The following SPOCK1 variants were observed in gnomAD, a reference collection of about 807,000 sequenced individuals.
The protein encoded by SPOCK1 is SPARC (osteonectin), cwcv and kazal like domains proteoglycan 1, also known as testican-1.
Under a neutral mutation model 55.3 loss-of-function variants are expected in SPOCK1, and 23 were observed. That is an observed-to-expected ratio of 0.42 (90% confidence interval 0.30 to 0.59). The LOEUF (loss-of-function observed/expected upper bound fraction) is 0.59, where lower values mean the gene tolerates loss of function less well. Among genes scored for constraint, SPOCK1 ranks in the 20% least tolerant of loss-of-function variants. SPOCK1 has a pLI of 0.22. For synonymous variants in SPOCK1, 226 were observed against 221.0 expected, an observed-to-expected ratio of 1.02 and a Z score of -0.20; for missense variants, 499 against 552.5, an observed-to-expected ratio of 0.90 and a Z score of 0.97.
intron 3 of SPOCK1, among the ~76,000 whole-genome samples, chr5:137,165,844 C>T (rs4976415): frequency 0.4 from 60,369 of 151,656 alleles, 12,279 homozygotes; most frequent in East Asian, 0.61. Flanking sequence ...GAAGGCAGGC[C>T]ATTTGAAAAC....
chr5:137,328,133 A>C (rs1758110498), intron 2 of SPOCK1, among the ~76,000 whole-genome samples: 1 of 152,214 alleles, frequency 6.6e-6, no homozygotes, highest in South Asian at 2.1e-4. Context: ...GATTGGACTG[A>C]CCAATAAATC....
chr5:136,976,082 A>G lies in SPOCK1; in HGVS notation c.*2572T>C, dbSNP rs1750608696. 1 of 152,156 alleles carries G rather than the reference A, an allele frequency of 6.6e-6. No individual in the cohort carries two copies. Among genetic ancestry groups the G allele is most frequent in the Admixed American group, 6.5e-5 (1 of 15,270 alleles). 9.4% of individuals were successfully genotyped at this position (152,156 alleles called of 1,614,324 possible). ...GTACAAGTGGACTTTTTGGAGGACT[A>G]TTTCCAAGAAGAAGAAAGCAAACAT... is the stretch of plus-strand genomic sequence containing the variant. On this transcript the variant is annotated 3_prime_UTR_variant, in exon 11 of 11. Transcript: ENST00000394945.
At chr5:137,356,448 T>C (rs1054275524) in intron 2 of SPOCK1, among the ~76,000 whole-genome samples, 50 of 152,008 alleles carry the variant, frequency 3.3e-4, no homozygotes, top group African/African-American at 1.2e-3. Context: ...CTTTTGTTGC[T>C]GTTGTCATTT....
chr5:137,440,208 G>A (rs897658887), intron 2 of SPOCK1, among the ~76,000 whole-genome samples: 1 of 151,924 alleles, frequency 6.6e-6, no homozygotes, highest in Non-Finnish European at 1.5e-5. Context: ...AAAAAGGCCT[G>A]GAAAGTTACA....
intron 2 of SPOCK1, among the ~76,000 whole-genome samples, chr5:137,409,145 C>T (rs1752159679): frequency 6.6e-6 from 1 of 152,164 alleles, no homozygotes; most frequent in Non-Finnish European, 1.5e-5. Flanking sequence ...TGACTCCATC[C>T]AGGAAGCACA....
intron 6 of SPOCK1, among the ~76,000 whole-genome samples, chr5:137,042,683 G>T (rs1381112373): frequency 6.6e-6 from 1 of 152,090 alleles, no homozygotes; most frequent in African/African-American, 2.4e-5. Context: ...TTAAGTAAAT[G>T]GATAGTGGAT....
intron 3 of SPOCK1, among the ~76,000 whole-genome samples, chr5:137,161,868 T>C (rs1754564242): frequency 6.6e-6 from 1 of 152,180 alleles, no homozygotes; most frequent in African/African-American, 2.4e-5. Flanking sequence ...TTCCATTACG[T>C]AAGAATAAGA....
At chr5:136,980,798 C>T (rs1011951171) in intron 9 of SPOCK1, among the ~76,000 whole-genome samples, 12 of 152,148 alleles carry the variant, frequency 7.9e-5, no homozygotes, top group African/African-American at 2.7e-4. Flanking sequence ...GTTCCTAATT[C>T]ATAAAATGAT....
intron 3 of SPOCK1, among the ~76,000 whole-genome samples, chr5:137,142,483 A>C (rs1227856151): frequency 6.6e-6 from 1 of 152,226 alleles, no homozygotes; most frequent in Non-Finnish European, 1.5e-5. Context: ...GCCAGGCTGC[A>C]TTCTCAGGCC....
chr5:137,165,017 G>A (rs1368595387), intron 3 of SPOCK1, among the ~76,000 whole-genome samples: 1 of 152,244 alleles, frequency 6.6e-6, no homozygotes, highest in Non-Finnish European at 1.5e-5. Flanking sequence ...GAAGGACACA[G>A]ACCTGGCTGG....
chr5:137,335,737 AGC>A (rs1406359070), intron 2 of SPOCK1, among the ~76,000 whole-genome samples: 3 of 152,236 alleles, frequency 2.0e-5, no homozygotes, highest in Non-Finnish European at 4.4e-5. Context: ...GCACAGGGAA[AGC>A]AAACGTTAAT....
intron 2 of SPOCK1, chr5:137,313,695 C>CAGCCT (rs1310317768): frequency 6.2e-6 from 1 of 160,934 alleles, no homozygotes; most frequent in African/African-American, 2.4e-5. Context: ...GCCAGGAGGC[C>CAGCCT]ACCCTACCCT....
intron 3 of SPOCK1, among the ~76,000 whole-genome samples, chr5:137,186,272 A>C (rs1189041814): frequency 1.3e-5 from 2 of 152,256 alleles, no homozygotes; most frequent in African/African-American, 2.4e-5. Flanking sequence ...TGATCAGTAC[A>C]TGATCACAGA....
intron 3 of SPOCK1, among the ~76,000 whole-genome samples, chr5:137,201,702 A>T (rs2127076462): frequency 6.6e-6 from 1 of 152,290 alleles, no homozygotes; most frequent in East Asian, 1.9e-4. Context: ...AAAAATGGAA[A>T]GAAAAAGCAA....
chr5:137,019,969 A>G (rs1007559933), intron 6 of SPOCK1, among the ~76,000 whole-genome samples: 1 of 152,046 alleles, frequency 6.6e-6, no homozygotes, highest in African/African-American at 2.4e-5. Context: ...GGAGGAACAC[A>G]GAGATACTGA....
chr5:137,207,984 A>T (rs1755548215), intron 3 of SPOCK1, among the ~76,000 whole-genome samples: 1 of 152,096 alleles, frequency 6.6e-6, no homozygotes. Context: ...AAGGTTCTAA[A>T]CATACAATCC....
At chr5:137,192,976 G>T (rs1561467446) in intron 3 of SPOCK1, among the ~76,000 whole-genome samples, 2 of 152,170 alleles carry the variant, frequency 1.3e-5, no homozygotes. Flanking sequence ...ATATACTAGG[G>T]TCCTCACTGA....
At chr5:137,403,785 A>C (rs1752035472) in intron 2 of SPOCK1, among the ~76,000 whole-genome samples, 1 of 151,864 alleles carries the variant, frequency 6.6e-6, no homozygotes, top group African/African-American at 2.4e-5. Context: ...AGAGAGGAGG[A>C]GGAGGAGATC....
At chr5:137,300,556 T>C (rs1447561580) in intron 2 of SPOCK1, among the ~76,000 whole-genome samples, 1 of 152,204 alleles carries the variant, frequency 6.6e-6, no homozygotes, top group African/African-American at 2.4e-5. Flanking sequence ...GTCCAAACTG[T>C]CTCCCCTGCA....
Sources: gnomAD v4.1 joint callset for allele counts (sites outside exome capture counted in the v4.1 genomes callset) on GRCh38, gnomAD v4.1.1 for gene constraint, MANE v1.5 for transcripts, NCBI Gene and HGNC (gene_info 2026-07-23, HGNC 2026-07-21) for gene names.